Variants in CHN2 observed in about 807,000 individuals in gnomAD.
The protein encoded by CHN2 is chimerin 2.
In CHN2, 35 loss-of-function variants were observed where a neutral mutation model predicts 56.3. The observed-to-expected ratio is 0.62, with a 90% CI of 0.47 to 0.82. The LOEUF (loss-of-function observed/expected upper bound fraction) is 0.82, where lower values mean the gene tolerates loss of function less well. Ranked by LOEUF, CHN2 falls within the 40% of genes least tolerant of loss-of-function variation. The pLI is 0.00. For missense variants in CHN2, 491 were observed against 580.5 expected (o/e 0.85, Z 1.58); for synonymous variants, 210 against 212.8 (o/e 0.99, Z 0.12).
At chr7:29,284,768 A>G (rs1384486211) in intron 1 of CHN2, among the ~76,000 whole-genome samples, 1 of 152,224 alleles carries the variant, frequency 6.6e-6, no homozygotes, top group Non-Finnish European at 1.5e-5. Flanking sequence ...AGCAACTGTG[A>G]GCTAGTGAGT....
At chr7:29,245,189 A>G (rs1328216417) in intron 1 of CHN2, among the ~76,000 whole-genome samples, 2 of 152,164 alleles carry the variant, frequency 1.3e-5, no homozygotes, top group Non-Finnish European at 2.9e-5. Context: ...TTTACTATTT[A>G]TTACAGTTGA....
intron 4 of CHN2, among the ~76,000 whole-genome samples, chr7:29,394,852 G>T (rs991596160): frequency 1.3e-4 from 20 of 152,144 alleles, no homozygotes; most frequent in Non-Finnish European, 1.5e-4. Context: ...GAAAAGTTTT[G>T]TCAAATAACT....
At chr7:29,321,999 CAT>C (rs1362950475) in intron 1 of CHN2, among the ~76,000 whole-genome samples, 1 of 152,196 alleles carries the variant, frequency 6.6e-6, no homozygotes, top group African/African-American at 2.4e-5. Context: ...ATAATAGAAA[CAT>C]AAAATAGAGT....
intron 2 of CHN2, among the ~76,000 whole-genome samples, chr7:29,170,783 G>C (rs1012301904): frequency 2.6e-5 from 4 of 151,642 alleles, no homozygotes; most frequent in Admixed American, 1.3e-4. Flanking sequence ...TATGGCTGGT[G>C]GGGGGGCCTC....
chr7:29,399,541 C>T lies in CHN2; in HGVS notation c.291-1002C>T, dbSNP rs17689535. Among the ~76,000 whole-genome samples, 1,186 of 152,272 alleles carry T rather than the reference C, an allele frequency of 7.8e-3. 14 individuals are homozygous for T. The highest frequency in any genetic ancestry group is 0.012 in the Admixed American group (188 of 15,294). On this transcript the variant is annotated intron_variant, in intron 5 of 12. Coordinates refer to ENST00000222792, the MANE Select transcript of CHN2 (RefSeq NM_004067.4). ...CAAATATTTTCTGTCATTTGATCCT[C>T]GCCGTAGCCCTATACATTTCGGGGA... is the stretch of plus-strand genomic sequence containing the variant.
chr7:29,396,899 C>G (rs1374883947), intron 4 of CHN2: 1 of 152,700 alleles, frequency 6.5e-6, no homozygotes, highest in Non-Finnish European at 1.5e-5. Context: ...TGCTCCAGGC[C>G]CCAATAAACT....
intron 2 of CHN2, among the ~76,000 whole-genome samples, chr7:29,180,572 T>A (rs1797945535): frequency 6.6e-6 from 1 of 151,902 alleles, no homozygotes; most frequent in Admixed American, 6.6e-5. Flanking sequence ...TAAATTGATA[T>A]AAAAATGACT....
chr7:29,483,947 G>A (rs12665897), intron 7 of CHN2: 353,550 of 1,174,846 alleles, frequency 0.3, 55,577 homozygotes, highest in East Asian at 0.36. Context: ...GAATACATGC[G>A]AGTCACTTAT....
chr7:29,159,434 A>C (rs747577063), intron 2 of CHN2, among the ~76,000 whole-genome samples: 1 of 152,224 alleles, frequency 6.6e-6, no homozygotes, highest in Non-Finnish European at 1.5e-5. Context: ...TTGGAAAACT[A>C]TCTGCCTTGA....
At chr7:29,166,725 T>C (rs1289539523) in intron 2 of CHN2, among the ~76,000 whole-genome samples, 2 of 152,160 alleles carry the variant, frequency 1.3e-5, no homozygotes, top group Non-Finnish European at 2.9e-5. Flanking sequence ...ATTTCTATAA[T>C]TAATAATTTG....
At chr7:29,422,550 A>G (rs966030378) in intron 6 of CHN2, among the ~76,000 whole-genome samples, 2 of 152,276 alleles carry the variant, frequency 1.3e-5, no homozygotes, top group African/African-American at 4.8e-5. Flanking sequence ...CACAAATTAA[A>G]TATATGTATA....
upstream of CHN2, among the ~76,000 whole-genome samples, chr7:29,190,470 C>T (rs1562817683): frequency 6.6e-6 from 1 of 152,156 alleles, no homozygotes; most frequent in Non-Finnish European, 1.5e-5. Flanking sequence ...CCACGTTCAC[C>T]CTGCAGTGCT....
At chr7:29,212,688 A>G in intron 1 of CHN2, 1 of 1,542,930 alleles carries the variant, frequency 6.5e-7, no homozygotes, top group Middle Eastern at 1.7e-4. Context: ...GAACTCTCCA[A>G]TATCTGGAAC....
chr7:29,167,284 T>G (rs1279486006), intron 2 of CHN2, among the ~76,000 whole-genome samples: 5 of 152,228 alleles, frequency 3.3e-5, no homozygotes, highest in African/African-American at 1.2e-4. Context: ...CTAGGCTTAC[T>G]TTTTTCATTC....
intron 6 of CHN2, among the ~76,000 whole-genome samples, chr7:29,472,338 T>C (rs564261525): frequency 2.9e-4 from 28 of 96,522 alleles, no homozygotes; most frequent in African/African-American, 7.9e-4. Context: ...GTAGTAGGCA[T>C]ACCCTTAGTA....
chr7:29,183,665 C>G (rs1428030049), intron 2 of CHN2, among the ~76,000 whole-genome samples: 1 of 152,096 alleles, frequency 6.6e-6, no homozygotes, highest in Non-Finnish European at 1.5e-5. Context: ...GTGTGAGCCA[C>G]CACACCTGGC....
At chr7:29,221,580 C>T (rs1233740176) in intron 1 of CHN2, among the ~76,000 whole-genome samples, 1 of 152,060 alleles carries the variant, frequency 6.6e-6, no homozygotes, top group Non-Finnish European at 1.5e-5. Context: ...GGTATTAAGC[C>T]CAGTATTCAT....
chr7:29,169,918 T>A (rs1279594457), intron 2 of CHN2, among the ~76,000 whole-genome samples: 4 of 151,822 alleles, frequency 2.6e-5, no homozygotes, highest in Non-Finnish European at 5.9e-5. Flanking sequence ...GCTCTGTTGC[T>A]CAGGCTGGGG....
At chr7:29,401,462 A>G (rs55677208) in intron 6 of CHN2, among the ~76,000 whole-genome samples, 27,792 of 152,006 alleles carry the variant, frequency 0.18, 2,573 homozygotes, top group East Asian at 0.19. Flanking sequence ...TTCAGTCACC[A>G]TTTGAGGTGT....
Sources: gnomAD v4.1 joint callset for allele counts (sites outside exome capture counted in the v4.1 genomes callset) on GRCh38, gnomAD v4.1.1 for gene constraint, MANE v1.5 for transcripts, NCBI Gene and HGNC (gene_info 2026-07-23, HGNC 2026-07-21) for gene names.